MYH9: variants seen among roughly 807,000 people sequenced by gnomAD.
MYH9 encodes the protein myosin heavy chain 9.
Under a neutral mutation model 241.9 loss-of-function variants are expected in MYH9, and 29 were observed. The ratio of observed to expected loss-of-function variants is 0.12; its 90% CI spans 0.09 to 0.16. The LOEUF (loss-of-function observed/expected upper bound fraction) is 0.16. Ranked by LOEUF, MYH9 falls within the 10% of genes least tolerant of loss-of-function variation. The pLI is 1.00. For synonymous variants in MYH9, 1,047 were observed against 1,062.6 expected, an observed-to-expected ratio of 0.99 and a Z score of 0.29; for missense variants, 1,803 against 2,595.5, an observed-to-expected ratio of 0.69 and a Z score of 6.63.
rs1603483474 is a variant in MYH9 at position 36,322,438 on chromosome 22, G to A, written c.696C>T (p.Ser232=). The A allele has an allele frequency of 6.2e-7, 1 of 1,613,936 alleles. No individual in the cohort carries two copies. Among genetic ancestry groups the A allele is most frequent in the Non-Finnish European group, 8.5e-7 (1 of 1,179,980 alleles). ...CCGCCGCGCTACTCACGAAGCGGGA[G>A]GAGTTGTCATTCTTCACGGTCTTGG... ...GNAKTVKNDN[S]SRFGKFIRIN... Residue 232 remains serine, a synonymous_variant, in exon 6 of 41, where the codon TCC becomes TCT. Transcript: ENST00000216181.
chr22:36,379,027 A>T (rs539281254), intron 1 of MYH9, among the ~76,000 whole-genome samples: 1 of 152,154 alleles, frequency 6.6e-6, no homozygotes, highest in East Asian at 1.9e-4. Context: ...CCAGCCAGGC[A>T]TTCTATAATT....
chr22:36,294,933 C>A lies in MYH9; in HGVS notation c.3629G>T (p.Arg1210Leu). The change falls in exon 27 of 41, where the codon CGG becomes CTG. Residue 1210 changes from arginine to leucine, a missense_variant and splice_region_variant. Arg to Leu is a moderately radical substitution (Grantham distance 102, BLOSUM62 -2). Coordinates refer to ENST00000216181, the MANE Select transcript of MYH9 (RefSeq NM_002473.6). ...TGCGGTCTCAGGGAGGCTCCGCACCCGCTTCGTCTGCTCCAGCTGCTCCGC... is the reference window on the plus strand; with the variant it reads ...TGCGGTCTCAGGGAGGCTCCGCACCAGCTTCGTCTGCTCCAGCTGCTCCGC... ...ELAEQLEQTK[R>L]VKANLEKAKQ... 1.2e-6 allele frequency: 2 copies of A among 1,612,942 alleles called. No individual in the cohort carries two copies. Among genetic ancestry groups the A allele is most frequent in the Non-Finnish European group, 1.7e-6 (2 of 1,180,028 alleles).
chr22:36,292,599 C>T (rs1407763952), intron 30 of MYH9, among the ~76,000 whole-genome samples: 2 of 152,188 alleles, frequency 1.3e-5, no homozygotes, highest in African/African-American at 4.8e-5. Flanking sequence ...CATCCTTGCA[C>T]TTGGAGATAA....
chr22:36,348,073 T>C (rs575051186), intron 2 of MYH9, among the ~76,000 whole-genome samples: 76 of 118,528 alleles, frequency 6.4e-4, no homozygotes, highest in African/African-American at 2.4e-3. Context: ...AAATAAAATA[T>C]TTAAAATATT....
chr22:36,338,811 C>T (rs914304505), intron 3 of MYH9, among the ~76,000 whole-genome samples: 2 of 148,642 alleles, frequency 1.3e-5, no homozygotes, highest in African/African-American at 2.5e-5. Context: ...CAGAGTGAGA[C>T]TCCATCTCAA....
In MYH9 at chr22:36,284,109, G is replaced by A. The variant is rs746972279; in HGVS notation, c.5749C>T (p.Leu1917=). Residue 1917 remains leucine (L), a synonymous_variant, in exon 40 of 41, where the codon CTA becomes TTA. Transcript: ENST00000216181. The part of the protein sequence containing the change: ...ADAMNREVSS[L]KNKLRRGDLP... The stretch of plus-strand genomic sequence containing the variant: ...GCGGCTCACCTGAGCTTGTTCTTTA[G>A]GGAGCTGACTTCGCGGTTCATGGCA... 7 of 1,614,208 alleles carry A rather than the reference G, an allele frequency of 4.3e-6. No individual in the cohort carries two copies. The highest frequency in any genetic ancestry group is 4.5e-5 in the East Asian group (2 of 44,886).
At position 36,306,572 on chromosome 22, in the gene MYH9, T is replaced by C. The variant is rs759344915; in HGVS notation, c.1879A>G (p.Met627Val). 1.9e-6 allele frequency: 3 copies of C among 1,613,864 alleles called. No homozygotes were observed. The highest frequency in any genetic ancestry group is 2.2e-5 in the South Asian group (2 of 91,082). Residue 627 changes from methionine to valine, a missense_variant, in exon 16 of 41, where the codon ATG becomes GTG. Met to Val is a conservative substitution (Grantham distance 21, BLOSUM62 1). This residue lies in a region of MYH9 where 163 missense variants were observed against 349.7 expected (regional missense o/e 0.47). Coordinates refer to ENST00000216181, the MANE Select transcript of MYH9 (RefSeq NM_002473.6). The surrounding 1 kb of genome is among the most constrained non-coding windows in gnomAD (Gnocchi z 4.1). ...GCCCCGGGCAGTGCGGTCTCCGACATGCCGGCCACCTGGTCCAGGCCGATG... is the reference window on the plus strand; with the variant it reads ...GCCCCGGGCAGTGCGGTCTCCGACACGCCGGCCACCTGGTCCAGGCCGATG... ...RIIGLDQVAGMSETALPGAFK... is the reference protein window; with the variant it reads ...RIIGLDQVAGVSETALPGAFK...
chr22:36,315,170 A>T (rs539519204), intron 12 of MYH9, among the ~76,000 whole-genome samples: 1 of 152,282 alleles, frequency 6.6e-6, no homozygotes, highest in Admixed American at 6.5e-5. Flanking sequence ...ACACTACCAG[A>T]TCTCTGCAAC....
chr22:36,306,850 C>T lies in MYH9; in HGVS notation c.1844-243G>A, dbSNP rs1208015129. Among the ~76,000 whole-genome samples the T allele has an allele frequency of 5.3e-5, 8 of 152,198 alleles. No homozygotes were observed. The highest frequency in any genetic ancestry group is 1.9e-4 in the African/African-American group (8 of 41,446). On this transcript the variant is annotated intron_variant, in intron 15 of 40. Coordinates refer to ENST00000216181, the MANE Select transcript of MYH9 (RefSeq NM_002473.6). This position sits in a 1 kb window ranked among gnomAD's most constrained non-coding sequence, Gnocchi z 4.1. ...TGGGGAGCCATGCATCTGCCATGGC[C>T]ACCTCACCTTCCTGTCACCTATCTT...
At chr22:36,372,242 C>T (rs1028686604) in intron 1 of MYH9, among the ~76,000 whole-genome samples, 6 of 152,060 alleles carry the variant, frequency 3.9e-5, no homozygotes, top group Non-Finnish European at 8.8e-5. Context: ...AATCCCAGCA[C>T]TTTTGAAGGT....
At chr22:36,310,246 G>T (rs1402829444) in intron 14 of MYH9, among the ~76,000 whole-genome samples, 1 of 149,264 alleles carries the variant, frequency 6.7e-6, no homozygotes, top group Admixed American at 6.7e-5. Context: ...CTCTAGCCTG[G>T]GCAACAGAAC....
Position 36,293,924 on chromosome 22 carries a change from T to G in MYH9, c.3838-61A>C. The stretch of plus-strand genomic sequence containing the variant: ...CCACCCCCACTGCTCCTGCCCCACC[T>G]CATCTCCTTTAGGTAAAGCTGGACC... On this transcript the variant is annotated intron_variant, in intron 28 of 40. Coordinates refer to ENST00000216181, the MANE Select transcript of MYH9 (RefSeq NM_002473.6). This position sits in a 1 kb window ranked among gnomAD's most constrained non-coding sequence, Gnocchi z 5.1. The G allele has an allele frequency of 1.3e-6, 2 of 1,513,154 alleles. No individual in the cohort carries two copies. Among genetic ancestry groups the G allele is most frequent in the Non-Finnish European group, 1.8e-6 (2 of 1,102,312 alleles). The allele number at this position is 1,513,154 out of a possible 1,614,324, so 93.7% of individuals were successfully genotyped here. A position where few individuals can be genotyped will look rare whatever the true frequency, so the allele number is the denominator to read the frequency against.
intron 14 of MYH9, among the ~76,000 whole-genome samples, chr22:36,311,811 G>A (rs1188264072): frequency 6.6e-6 from 1 of 152,198 alleles, no homozygotes; most frequent in Non-Finnish European, 1.5e-5. Context: ...AACCAGCCTG[G>A]GCACCGCGGT....
chr22:36,379,243 C>T (rs2018218010), intron 1 of MYH9, among the ~76,000 whole-genome samples: 1 of 152,196 alleles, frequency 6.6e-6, no homozygotes, highest in Non-Finnish European at 1.5e-5. Context: ...CGTGGTGGCT[C>T]ACGCCTGTAA....
At chr22:36,302,360 A>T (rs968364085) in intron 20 of MYH9, 1 of 508,020 alleles carries the variant, frequency 2.0e-6, no homozygotes, top group East Asian at 3.6e-5. Context: ...ACTAAAAATC[A>T]AAAAGGGCCG....
intron 1 of MYH9, among the ~76,000 whole-genome samples, chr22:36,368,774 A>C (rs1371215452): frequency 1.3e-5 from 2 of 152,032 alleles, no homozygotes; most frequent in Non-Finnish European, 2.9e-5. Flanking sequence ...TCCCAACCAC[A>C]ACCAATTCGG....
intron 19 of MYH9, among the ~76,000 whole-genome samples, chr22:36,302,906 A>C (rs1387257760): frequency 2.0e-5 from 3 of 152,220 alleles, no homozygotes; most frequent in Non-Finnish European, 4.4e-5. Context: ...CTAGGTCACC[A>C]GACTACCCCT....
chr22:36,286,944 T>C (rs1208722058), intron 34 of MYH9, 98 bp from the exon 35 acceptor site: 14 of 1,556,132 alleles, frequency 9.0e-6, no homozygotes, highest in African/African-American at 1.4e-5. Flanking sequence ...TGGCTGGTGC[T>C]CCACTCAATG....
At position 36,312,222 on chromosome 22, in the gene MYH9, C is replaced by T. The variant is rs2017075745; in HGVS notation, c.1555G>A (p.Ala519Thr). The T allele has an allele frequency of 1.2e-6, 2 of 1,613,972 alleles. No homozygotes were observed. Residue 519 changes from alanine (A) to threonine (T), a missense_variant and splice_region_variant, in exon 14 of 41, where the codon GCA (alanine) becomes ACA (threonine). Ala to Thr is a moderately conservative substitution (Grantham distance 58, BLOSUM62 0). Around this residue, in one of 11 missense-constraint regions of MYH9, gnomAD observed 163 missense variants for 349.7 expected, o/e 0.47. Coordinates refer to ENST00000216181, the MANE Select transcript of MYH9 (RefSeq NM_002473.6). ...AGGGCCAGAATGCCCGGGGGGCCTG[C>T]CTGGAGGAAGCGCAGCATCAGCACA... ...QPCIDLIEKP[A>T]GPPGILALLD...
Sources: allele counts gnomAD v4.1 joint callset (sites outside exome capture counted in the v4.1 genomes callset), GRCh38; gene constraint gnomAD v4.1.1; regional missense constraint gnomAD v4.1.1; non-coding constraint Gnocchi (gnomAD v3.1); transcripts MANE v1.5; gene names NCBI Gene and HGNC (gene_info 2026-07-23, HGNC 2026-07-21).